Variants in ANKRD42 observed in about 807,000 individuals in gnomAD.
ANKRD42 encodes ankyrin repeat domain-containing protein 42.
Under a neutral mutation model 51.5 loss-of-function variants are expected in ANKRD42, and 43 were observed. The ratio of observed to expected loss-of-function variants is 0.83; its 90% CI spans 0.65 to 1.08. The LOEUF (loss-of-function observed/expected upper bound fraction) is 1.08. ANKRD42 is among the 50% of genes least tolerant of loss of function. The pLI, the probability that ANKRD42 is intolerant of heterozygous loss-of-function variation, is 0.00. For missense variants in ANKRD42, 608 were observed against 629.3 expected (o/e 0.97, Z 0.36); for synonymous variants, 203 against 213.0 (o/e 0.95, Z 0.41).
In ANKRD42 at chr11:83,240,900, A is replaced by C; in HGVS notation, c.1161A>C (p.Leu387Phe). 6.2e-7 allele frequency: 1 copy of C among 1,614,090 alleles called. No homozygotes were observed. Among genetic ancestry groups the C allele is most frequent in the East Asian group, 2.2e-5 (1 of 44,882 alleles). ...VEGSTDAKDD[L>F]CLSDLDKTDA... ...GAAGCACTGATGCCAAGGATGATTT[A>C]TGTCTGAGTGACTTGGATAAAACAG... Residue 387 changes from leucine (L) to phenylalanine (F), a missense_variant, in exon 9 of 11, where the codon TTA (leucine) becomes TTC (phenylalanine). By Grantham distance (22) the Leu-to-Phe change is conservative (BLOSUM62 0). Transcript: ENST00000533342.
At chr11:83,215,427 T>G (rs753351935) in intron 5 of ANKRD42, among the ~76,000 whole-genome samples, 5 of 152,188 alleles carry the variant, frequency 3.3e-5, no homozygotes, top group Admixed American at 6.5e-5. Flanking sequence ...ATTGGAGAGT[T>G]AAGTCCATCT....
Position 83,194,482 on chromosome 11 carries a change from G to T in ANKRD42, c.-189G>T, listed in dbSNP as rs1319728888. The T allele has an allele frequency of 1.4e-6, 1 of 709,942 alleles. No individual in the cohort carries two copies. Among genetic ancestry groups the T allele is most frequent in the Non-Finnish European group, 2.6e-6 (1 of 391,662 alleles). 44.0% of individuals were successfully genotyped at this position (709,942 alleles called of 1,614,324 possible). ...CCGCTTCAGTGGCTTTTGGGAGAGA[G>T]AAAGTGAAGACGAAGGTTTCCGCTG... On this transcript the variant is annotated 5_prime_UTR_variant, in exon 1 of 11. Coordinates refer to ENST00000533342, the MANE Select transcript of ANKRD42 (RefSeq NM_001300975.2).
chr11:83,194,400 C>T lies in ANKRD42; in HGVS notation c.-271C>T, dbSNP rs1205683307. On this transcript the variant is annotated 5_prime_UTR_variant, in exon 1 of 11. Transcript: ENST00000533342. ...GTTCTTGGGAGGAAGTAAGTGGAGA[C>T]CGCGGCTACGCAGCCAGCGACTCCT... is the stretch of plus-strand genomic sequence containing the variant. 3 of 666,230 alleles carry T rather than the reference C, an allele frequency of 4.5e-6. No homozygotes were observed. The highest frequency in any genetic ancestry group is 2.4e-4 in the Middle Eastern group (1 of 4,214). 41.3% of individuals were successfully genotyped at this position (666,230 alleles called of 1,614,324 possible). A position where few individuals can be genotyped will look rare whatever the true frequency, so the allele number is the denominator to read the frequency against.
At chr11:83,242,424 A>C (rs1379413794) in intron 9 of ANKRD42, among the ~76,000 whole-genome samples, 1 of 95,444 alleles carries the variant, frequency 1.0e-5, no homozygotes, top group Non-Finnish European at 2.1e-5. Context: ...GATGGGGATA[A>C]TGAGAAGTGG....
intron 1 of ANKRD42, among the ~76,000 whole-genome samples, chr11:83,197,727 T>G (rs1861713413): frequency 6.6e-6 from 1 of 152,244 alleles, no homozygotes; most frequent in Non-Finnish European, 1.5e-5. Context: ...TTCACAATGC[T>G]TATTAATTAA....
chr11:83,236,566 T>G (rs1863231803), intron 8 of ANKRD42, 57 bp downstream of exon 8: 1 of 1,341,918 alleles, frequency 7.5e-7, no homozygotes. Context: ...TTGCGTATAC[T>G]TTTTTGGACT....
At chr11:83,255,955 A>G (rs1220559438) in exon 12 of ANKRD42, 1 of 1,489,662 alleles carries the variant, frequency 6.7e-7, no homozygotes, top group East Asian at 2.5e-5. Flanking sequence ...AACTAAATTG[A>G]CCTGCTAGAT....
chr11:83,233,897 G>C (rs1863152441), intron 7 of ANKRD42, among the ~76,000 whole-genome samples: 2 of 152,304 alleles, frequency 1.3e-5, no homozygotes, highest in African/African-American at 4.8e-5. Context: ...TGGCCAGGCT[G>C]TTCTCGAACT....
chr11:83,196,398 A>AGTGTGTGTGT (rs145815586), intron 1 of ANKRD42, among the ~76,000 whole-genome samples: 1 of 124,748 alleles, frequency 8.0e-6, no homozygotes, highest in East Asian at 2.0e-4. Flanking sequence ...AGTGTGTGAG[A>AGTGTGTGTGT]GTGTGTGTGT....
chr11:83,245,844 G>T (rs1235469510), intron 10 of ANKRD42, among the ~76,000 whole-genome samples: 1 of 152,162 alleles, frequency 6.6e-6, no homozygotes, highest in African/African-American at 2.4e-5. Context: ...TTAAGTATAC[G>T]GTTCAGTAGT....
In ANKRD42 at chr11:83,229,730, G is replaced by A. The variant is rs190619573; in HGVS notation, c.913+1858G>A. Among the ~76,000 whole-genome samples the A allele has an allele frequency of 6.6e-5, 10 of 152,272 alleles. No homozygotes were observed. The East Asian group carries it at 1.2e-3, about 18-fold the overall frequency. ...AGAGTTTGCTCTTCACCCTCTTTTC[G>A]TGAGTCCATCCATCAAGGACTCCTA... On this transcript the variant is annotated intron_variant, in intron 7 of 10. Transcript: ENST00000533342.
At chr11:83,245,378 C>A (rs186406533) in intron 9 of ANKRD42, 120 bp from the exon 10 acceptor site, 5 of 1,066,066 alleles carry the variant, frequency 4.7e-6, no homozygotes, top group African/African-American at 1.6e-5. Context: ...TCCTCCACCC[C>A]CCTCTCCAAA....
At chr11:83,228,241 T>C (rs966086300) in intron 7 of ANKRD42, among the ~76,000 whole-genome samples, 9,149 of 76,120 alleles carry the variant, frequency 0.12, 1,573 homozygotes, top group South Asian at 0.29. Flanking sequence ...CTTTTTTTTT[T>C]TTTTTTTTTT....
chr11:83,242,573 T>TTTTTTTTTTTA lies in ANKRD42; in HGVS notation c.1195+1649_1195+1650insATTTTTTTTTT, dbSNP rs1366501431. Among the ~76,000 whole-genome samples the TTTTTTTTTTTA allele has an allele frequency of 1.3e-4, 19 of 144,448 alleles. 2 individuals are homozygous for TTTTTTTTTTTA. The highest frequency in any genetic ancestry group is 4.1e-4 in the African/African-American group (16 of 38,618). The allele number at this position is 144,448 out of a possible 152,430, so 94.8% of individuals were successfully genotyped here. The stretch of plus-strand genomic sequence containing the variant: ...TTCGGTGAATGGTAGTTAAGTTTTT[T>TTTTTTTTTTTA]TTTTTTTTTTTTAGATGGAGTCTCA... On this transcript the variant is annotated intron_variant, in intron 9 of 10. Transcript: ENST00000533342.
rs1438034744 is a variant in ANKRD42, at chr11:83,212,666, C to A, written c.586+1236C>A. 5 of 1,535,996 alleles carry A rather than the reference C, an allele frequency of 3.3e-6. No homozygotes were observed. In the East Asian group the frequency reaches 7.3e-5, roughly 23 times the overall value. ...TTTGCTATTTAGAACCTCCTTAGAT[C>A]CCTGTGGAGCCTCTGATTCCTTGGC... On this transcript the variant is annotated intron_variant, in intron 5 of 10. Coordinates refer to ENST00000533342, the MANE Select transcript of ANKRD42 (RefSeq NM_001300975.2).
chr11:83,225,336 G>A (rs1327057360), intron 6 of ANKRD42, among the ~76,000 whole-genome samples: 1 of 152,138 alleles, frequency 6.6e-6, no homozygotes, highest in African/African-American at 2.4e-5. Context: ...GGAGTCTGAG[G>A]TGAGTGGATT....
At chr11:83,218,936 A>G (rs1416497950) in intron 5 of ANKRD42, among the ~76,000 whole-genome samples, 1 of 152,230 alleles carries the variant, frequency 6.6e-6, no homozygotes, top group Non-Finnish European at 1.5e-5. Context: ...TACTTCCCTC[A>G]GGGGGCCAAG....
chr11:83,200,137 C>T (rs1298021950), intron 2 of ANKRD42, among the ~76,000 whole-genome samples: 1 of 152,046 alleles, frequency 6.6e-6, no homozygotes, highest in Non-Finnish European at 1.5e-5. Flanking sequence ...TGATTTTACT[C>T]TGCCATATTC....
intron 9 of ANKRD42, among the ~76,000 whole-genome samples, chr11:83,241,686 C>T (rs1371170359): frequency 3.3e-5 from 5 of 152,084 alleles, no homozygotes; most frequent in South Asian, 2.1e-4. Flanking sequence ...TTTTAGATTT[C>T]GATTTTTATT....
Sources: gnomAD v4.1 joint callset for allele counts (sites outside exome capture counted in the v4.1 genomes callset) on GRCh38, gnomAD v4.1.1 for gene constraint, MANE v1.5 for transcripts, NCBI Gene and HGNC (gene_info 2026-07-23, HGNC 2026-07-21) for gene names.